PTPRS: variants seen among roughly 807,000 people sequenced by gnomAD.
PTPRS encodes protein tyrosine phosphatase receptor type S.
Under a neutral mutation model 215.3 loss-of-function variants are expected in PTPRS, and 63 were observed. The observed-to-expected ratio is 0.29, with a 90% confidence interval of 0.24 to 0.36. The LOEUF (loss-of-function observed/expected upper bound fraction) is 0.36, where lower values mean the gene tolerates loss of function less well. Ranked by LOEUF, PTPRS falls within the 10% of genes least tolerant of loss-of-function variation. The pLI is 1.00. For synonymous variants in PTPRS, 1,404 were observed against 1,191.4 expected (o/e 1.18, Z -3.68); for missense variants, 2,258 against 2,825.8 (o/e 0.80, Z 4.56).
intron 13 of PTPRS, among the ~76,000 whole-genome samples, chr19:5,235,087 C>T (rs954554899): frequency 1.3e-5 from 2 of 151,992 alleles, no homozygotes; most frequent in East Asian, 3.9e-4. Context: ...ACTACAGGCG[C>T]CCGCCACCAC....
intron 20 of PTPRS, 113 bp from the exon 21 acceptor site, chr19:5,220,466 A>C (rs2041882738): frequency 1.1e-6 from 1 of 899,130 alleles, no homozygotes; most frequent in African/African-American, 1.6e-5. Context: ...CTGTTCATAC[A>C]ATGAGCCTAT....
At chr19:5,211,456 T>C (rs2040875187) in intron 33 of PTPRS, 134 bp downstream of exon 33, 8 of 855,430 alleles carry the variant, frequency 9.4e-6, no homozygotes, top group South Asian at 2.1e-5. Flanking sequence ...TAAATATACA[T>C]CTAAAGATGT....
intron 17 of PTPRS, among the ~76,000 whole-genome samples, chr19:5,224,946 A>C (rs895659143): frequency 5.3e-5 from 8 of 152,144 alleles, no homozygotes; most frequent in African/African-American, 1.9e-4. Context: ...TGAAGGCCAC[A>C]GAAGTCAGTC....
chr19:5,216,062 G>T (rs2041414511), intron 26 of PTPRS, among the ~76,000 whole-genome samples: 1 of 152,136 alleles, frequency 6.6e-6, no homozygotes, highest in Non-Finnish European at 1.5e-5. Context: ...TGTCCCTCTG[G>T]GATCAGAGGC....
In PTPRS at chr19:5,225,847, G is replaced by A. The variant is rs1019811014; in HGVS notation, c.2377-3C>T. The A allele has an allele frequency of 2.2e-5, 35 of 1,612,734 alleles. No homozygotes were observed. Among genetic ancestry groups the A allele is most frequent in the Non-Finnish European group, 3.0e-5 (35 of 1,178,930 alleles). On this transcript the variant is annotated splice_region_variant and splice_polypyrimidine_tract_variant and intron_variant, in intron 16 of 37. Transcript: ENST00000262963. ...TGCAAGTTTGTGATGACCATCTCCT[G>A]CAGGCACGGCTGGGGGTCAGCACGA...
In PTPRS at chr19:5,231,624, G is replaced by T; in HGVS notation, c.1850-9C>A. On this transcript the variant is annotated splice_polypyrimidine_tract_variant and intron_variant, in intron 13 of 37. Transcript: ENST00000262963. ...AGGGGGGGCTGACGGTTCTATTGGA[G>T]GGGGGGAGAACGTGGGGGGGTGGGG... is the stretch of plus-strand genomic sequence containing the variant. 1 of 185,600 alleles carries T rather than the reference G, an allele frequency of 5.4e-6. No individual in the cohort carries two copies. Among genetic ancestry groups the T allele is most frequent in the Non-Finnish European group, 8.6e-6 (1 of 116,850 alleles). The allele number at this position is 185,600 out of a possible 1,614,324, so 11.5% of individuals were successfully genotyped here.
chr19:5,276,327 A>C (rs2047358148), intron 2 of PTPRS, among the ~76,000 whole-genome samples: 1 of 151,964 alleles, frequency 6.6e-6, no homozygotes, highest in East Asian at 1.9e-4. Context: ...GGTTCAAGTG[A>C]TTCTCCTACC....
chr19:5,331,841 A>G (rs1236598017), intron 1 of PTPRS, among the ~76,000 whole-genome samples: 1 of 152,190 alleles, frequency 6.6e-6, no homozygotes, highest in Non-Finnish European at 1.5e-5. Context: ...TATGACCAAT[A>G]TTAATATAAT....
At chr19:5,277,062 T>TTTG (rs2047437477) in intron 2 of PTPRS, among the ~76,000 whole-genome samples, 1 of 150,710 alleles carries the variant, frequency 6.6e-6, no homozygotes, top group Non-Finnish European at 1.5e-5. Flanking sequence ...TTTGTGTTTT[T>TTTG]TTTTTTTTTT....
At chr19:5,300,936 T>C (rs1462317769) in intron 1 of PTPRS, among the ~76,000 whole-genome samples, 1 of 152,158 alleles carries the variant, frequency 6.6e-6, no homozygotes, top group Non-Finnish European at 1.5e-5. Flanking sequence ...GCAGGTGCCA[T>C]CTGCAGCCAC....
At chr19:5,301,974 T>C (rs1469694991) in intron 1 of PTPRS, among the ~76,000 whole-genome samples, 2 of 151,812 alleles carry the variant, frequency 1.3e-5, no homozygotes, top group East Asian at 3.9e-4. Flanking sequence ...AGAGACGGGG[T>C]TTCACCATGT....
Position 5,220,356 on chromosome 19 carries a change from GTAGGGA to G in PTPRS, c.3456-9_3456-4del, listed in dbSNP as rs749475886. 6.2e-7 allele frequency: 1 copy of G among 1,611,902 alleles called. No individual in the cohort carries two copies. Among genetic ancestry groups the G allele is most frequent in the African/African-American group, 1.3e-5 (1 of 74,876 alleles). ...GCACCATCACAATGAAATAGCTCCT[GTAGGGA>G]GATGGGAAAGAGTCAGAGGGGCTGT... On this transcript the variant is annotated splice_polypyrimidine_tract_variant and splice_region_variant and intron_variant, in intron 20 of 37. Coordinates refer to ENST00000262963, the MANE Select transcript of PTPRS (RefSeq NM_002850.4).
intron 16 of PTPRS, 92 bp from the exon 17 acceptor site, chr19:5,225,936 T>G (rs1340135481): frequency 6.6e-6 from 7 of 1,054,318 alleles, no homozygotes; most frequent in Non-Finnish European, 1.0e-5. Flanking sequence ...GCAAGGAGGA[T>G]GCAGGGCCCG....
At chr19:5,336,204 G>C (rs1217092501) in intron 1 of PTPRS, among the ~76,000 whole-genome samples, 1 of 131,412 alleles carries the variant, frequency 7.6e-6, no homozygotes, top group Non-Finnish European at 1.6e-5. Flanking sequence ...GAAATGGTAC[G>C]TCGGGTTTTT....
chr19:5,305,970 A>AAAAAAAAAG (rs2049479386), intron 1 of PTPRS, among the ~76,000 whole-genome samples: 1 of 140,326 alleles, frequency 7.1e-6, no homozygotes, highest in African/African-American at 2.5e-5. Context: ...AAAAAAAAAA[A>AAAAAAAAAG]GGGCGAATTC....
chr19:5,277,923 C>T (rs2146692897), intron 2 of PTPRS: 7 of 1,461,132 alleles, frequency 4.8e-6, no homozygotes, highest in South Asian at 3.4e-5. Context: ...ACGGGAGCAA[C>T]AAAAAACAAA....
chr19:5,331,254 C>T (rs2050316894), intron 1 of PTPRS, among the ~76,000 whole-genome samples: 1 of 152,038 alleles, frequency 6.6e-6, no homozygotes, highest in African/African-American at 2.4e-5. Context: ...CCTCAGCCTC[C>T]CCAGTAGCTG....
intron 28 of PTPRS, 147 bp downstream of exon 28, chr19:5,215,142 T>C: frequency 3.9e-6 from 4 of 1,024,382 alleles, no homozygotes; most frequent in Non-Finnish European, 5.7e-6. Context: ...GTTAAATACA[T>C]ATCTAAAGAT....
chr19:5,242,804 C>T (rs1192336808), intron 11 of PTPRS, among the ~76,000 whole-genome samples: 1 of 152,126 alleles, frequency 6.6e-6, no homozygotes, highest in Non-Finnish European at 1.5e-5. Flanking sequence ...TCCAGTGATC[C>T]TCTCATCTCA....
Sources: allele counts gnomAD v4.1 joint callset (sites outside exome capture counted in the v4.1 genomes callset), GRCh38; gene constraint gnomAD v4.1.1; transcripts MANE v1.5; gene names NCBI Gene and HGNC (gene_info 2026-07-23, HGNC 2026-07-21).